Variants in USP43 observed in about 807,000 individuals in gnomAD.
USP43 encodes the protein ubiquitin carboxyl-terminal hydrolase 43.
Under a neutral mutation model 90.7 loss-of-function variants are expected in USP43, and 33 were observed. The ratio of observed to expected loss-of-function variants is 0.36; its 90% CI spans 0.28 to 0.49. The LOEUF (loss-of-function observed/expected upper bound fraction) is 0.49, where lower values mean the gene tolerates loss of function less well. Among genes scored for constraint, USP43 ranks in the 20% least tolerant of loss-of-function variants. The pLI is 0.98. For missense variants in USP43, 1,274 were observed against 1,476.4 expected (o/e 0.86, Z 2.25); for synonymous variants, 598 against 615.8 (o/e 0.97, Z 0.43).
intron 2 of USP43, among the ~76,000 whole-genome samples, chr17:9,664,043 C>T (rs765427938): frequency 2.8e-4 from 42 of 152,208 alleles, no homozygotes; most frequent in Non-Finnish European, 5.3e-4. Context: ...CTGTTTTCTA[C>T]TTCCCTTTGC....
chr17:9,704,734 G>A (rs1396329243), intron 12 of USP43, among the ~76,000 whole-genome samples: 1 of 152,096 alleles, frequency 6.6e-6, no homozygotes, highest in East Asian at 1.9e-4. Context: ...GCTGGTGGGT[G>A]GCCCTCTTCC....
chr17:9,689,359 T>G (rs1914791653), intron 8 of USP43, among the ~76,000 whole-genome samples: 1 of 152,096 alleles, frequency 6.6e-6, no homozygotes, highest in Admixed American at 6.6e-5. Flanking sequence ...ACCAGTTTAC[T>G]GGATAGGATT....
chr17:9,727,730 A>G (rs377450583), intron 14 of USP43, among the ~76,000 whole-genome samples: 21 of 152,256 alleles, frequency 1.4e-4, no homozygotes, highest in African/African-American at 5.1e-4. Flanking sequence ...CTTCTTTGGC[A>G]CTGGCTTACC....
intron 8 of USP43, among the ~76,000 whole-genome samples, chr17:9,689,815 A>T (rs1490966577): frequency 6.6e-6 from 1 of 152,188 alleles, no homozygotes; most frequent in African/African-American, 2.4e-5. Flanking sequence ...TTGGTGCCGT[A>T]ATGATGGCTG....
intron 8 of USP43, among the ~76,000 whole-genome samples, chr17:9,692,607 A>G (rs1394589210): frequency 6.6e-6 from 1 of 152,236 alleles, no homozygotes; most frequent in Non-Finnish European, 1.5e-5. Flanking sequence ...TTTCAATTTC[A>G]GAAAAGTTAA....
chr17:9,645,959 C>T lies in USP43; in HGVS notation c.327C>T (p.Thr109=). The T allele has an allele frequency of 2.0e-6, 3 of 1,477,508 alleles. No individual in the cohort carries two copies. The highest frequency in any genetic ancestry group is 2.7e-5 in the South Asian group (2 of 74,744). 91.5% of individuals were successfully genotyped at this position (1,477,508 alleles called of 1,614,324 possible). The change falls in exon 1 of 15, where the codon ACC becomes ACT. Residue 109 remains threonine (T), a synonymous_variant. Coordinates refer to ENST00000285199, the MANE Select transcript of USP43 (RefSeq NM_153210.5). The surrounding 1 kb of genome is among the most constrained non-coding windows in gnomAD (Gnocchi z 6.8). ...GAQGLKNHGN[T]CFMNAVVQCL... Reference sequence around the variant, plus strand: ...AGGGCTTGAAGAACCACGGCAACACCTGTTTCATGAACGCGGTGGTGCAGT... The same window carrying T: ...AGGGCTTGAAGAACCACGGCAACACTTGTTTCATGAACGCGGTGGTGCAGT...
Position 9,709,068 on chromosome 17 carries a change from C to T in USP43, c.2012-888C>T, listed in dbSNP as rs1916043222. ...CCTGCAAAGTCTCAATATTTGTCAT[C>T]TGGTCCCTTATGGGAAAAGTTTGCA... is the stretch of plus-strand genomic sequence containing the variant. On this transcript the variant is annotated intron_variant, in intron 12 of 14. Transcript: ENST00000285199. The surrounding 1 kb of genome is among the most constrained non-coding windows in gnomAD (Gnocchi z 5.0). Among the ~76,000 whole-genome samples the T allele has an allele frequency of 6.6e-6, 1 of 152,212 alleles. No homozygotes were observed. Among genetic ancestry groups the T allele is most frequent in the Non-Finnish European group, 1.5e-5 (1 of 68,046 alleles).
intron 2 of USP43, among the ~76,000 whole-genome samples, chr17:9,658,060 A>T (rs1912386412): frequency 6.6e-6 from 1 of 152,234 alleles, no homozygotes; most frequent in Non-Finnish European, 1.5e-5. Flanking sequence ...TTGACGTATC[A>T]CATGGCTGAT....
At chr17:9,710,347 G>A (rs1292152394) in intron 13 of USP43, among the ~76,000 whole-genome samples, 1 of 152,034 alleles carries the variant, frequency 6.6e-6, no homozygotes, top group Non-Finnish European at 1.5e-5. Context: ...TTGTATTCAG[G>A]GCAGGCGATG....
intron 12 of USP43, among the ~76,000 whole-genome samples, chr17:9,706,375 CATTT>C (rs1361742187): frequency 2.0e-5 from 3 of 152,080 alleles, no homozygotes; most frequent in African/African-American, 4.8e-5. Context: ...AATTATCAAT[CATTT>C]CTTTTAAGTC....
At chr17:9,664,773 G>A (rs1299792879) in intron 2 of USP43, among the ~76,000 whole-genome samples, 3 of 151,952 alleles carry the variant, frequency 2.0e-5, no homozygotes, top group African/African-American at 7.3e-5. Flanking sequence ...GAGTAGCCGG[G>A]ACTACAGGTG....
chr17:9,650,955 C>A (rs1187879550), intron 1 of USP43, among the ~76,000 whole-genome samples: 1 of 152,124 alleles, frequency 6.6e-6, no homozygotes, highest in Non-Finnish European at 1.5e-5. Flanking sequence ...CTGGACCCAG[C>A]GTGCAGTCTT....
chr17:9,649,948 T>C (rs1911743788), intron 1 of USP43, among the ~76,000 whole-genome samples: 1 of 152,178 alleles, frequency 6.6e-6, no homozygotes, highest in East Asian at 1.9e-4. Flanking sequence ...TATGGTTATA[T>C]TAAAAATTTT....
At chr17:9,715,380 G>A (rs1388023586) in intron 14 of USP43, among the ~76,000 whole-genome samples, 2 of 152,202 alleles carry the variant, frequency 1.3e-5, no homozygotes, top group Non-Finnish European at 2.9e-5. Flanking sequence ...TTGAGCTTGG[G>A]AAGTTAGGGC....
In USP43 at chr17:9,686,877, C is replaced by A. The variant is rs368200452; in HGVS notation, c.1321C>A (p.Arg441Ser). 1.2e-6 allele frequency: 2 copies of A among 1,613,730 alleles called. No individual in the cohort carries two copies. Among genetic ancestry groups the A allele is most frequent in the South Asian group, 2.2e-5 (2 of 91,064 alleles). ...CCAGCAGTCTATCCTCAGCAAGGTCCGCCATCTTATGAAGAGTGAGGCCCC... is the reference window on the plus strand; with the variant it reads ...CCAGCAGTCTATCCTCAGCAAGGTCAGCCATCTTATGAAGAGTGAGGCCCC... ...QLQQSILSKVRHLMKSEAPVQ... is the reference protein window; with the variant it reads ...QLQQSILSKVSHLMKSEAPVQ... The change falls in exon 8 of 15, where the codon CGC becomes AGC. Residue 441 changes from arginine to serine, a missense_variant. Transcript: ENST00000285199. The surrounding 1 kb of genome is among the most constrained non-coding windows in gnomAD (Gnocchi z 5.5).
chr17:9,684,332 A>G (rs1914469366), intron 7 of USP43, among the ~76,000 whole-genome samples: 3 of 152,162 alleles, frequency 2.0e-5, no homozygotes, highest in Admixed American at 6.5e-5. Context: ...AAAGATATTT[A>G]TGCCATGTGA....
intron 7 of USP43, among the ~76,000 whole-genome samples, chr17:9,684,307 A>T (rs978335503): frequency 2.0e-5 from 3 of 152,208 alleles, no homozygotes; most frequent in Non-Finnish European, 2.9e-5. Context: ...TTTGAAAGGC[A>T]AAGGACAAAT....
At chr17:9,691,409 C>T (rs746847079) in intron 8 of USP43, among the ~76,000 whole-genome samples, 4 of 152,090 alleles carry the variant, frequency 2.6e-5, no homozygotes, top group Admixed American at 6.5e-5. Context: ...TGAGCCACCG[C>T]GCTGGGCTGC....
At position 9,686,128 on chromosome 17, in the gene USP43, A is replaced by G. The variant is rs1440777876; in HGVS notation, c.1242-670A>G. On this transcript the variant is annotated intron_variant, in intron 7 of 14. Coordinates refer to ENST00000285199, the MANE Select transcript of USP43 (RefSeq NM_153210.5). The surrounding 1 kb of genome is among the most constrained non-coding windows in gnomAD (Gnocchi z 5.5). The stretch of plus-strand genomic sequence containing the variant: ...CAGCCTCATCCATCTTGCCGCAAAC[A>G]ACAGGATTTCATTTCTTTTTTATGG... 6.6e-6 allele frequency among the ~76,000 whole-genome samples: 1 copy of G among 152,178 alleles called. No homozygotes were observed. Among genetic ancestry groups the G allele is most frequent in the Non-Finnish European group, 1.5e-5 (1 of 68,040 alleles).
Sources: gnomAD v4.1 joint callset for allele counts (sites outside exome capture counted in the v4.1 genomes callset) on GRCh38, gnomAD v4.1.1 for gene constraint, Gnocchi (gnomAD v3.1) non-coding constraint, MANE v1.5 for transcripts, NCBI Gene and HGNC (gene_info 2026-07-23, HGNC 2026-07-21) for gene names.